The following RBFOX1 variants were observed in gnomAD, a reference collection of about 807,000 sequenced individuals.
RBFOX1 encodes the protein RNA binding protein fox-1 homolog 1.
In RBFOX1, 8 loss-of-function variants were observed where a neutral mutation model predicts 57.7. The ratio of observed to expected loss-of-function variants is 0.14; its 90% CI spans 0.08 to 0.25. The LOEUF (loss-of-function observed/expected upper bound fraction) is 0.25. Ranked by LOEUF, RBFOX1 falls within the 10% of genes least tolerant of loss-of-function variation. The pLI is 1.00. For synonymous variants in RBFOX1, 326 were observed against 222.4 expected (o/e 1.47, Z -4.15); for missense variants, 611 against 548.5 (o/e 1.11, Z -1.14).
rs116229391 is a variant in RBFOX1 at position 5,355,574 on chromosome 16, G to C, written c.220-111642G>C. Among the ~76,000 whole-genome samples, 433 of 152,214 alleles carry C rather than the reference G, an allele frequency of 2.8e-3. 4 individuals are homozygous for C. Among genetic ancestry groups the C allele is most frequent in the African/African-American group, 9.0e-3 (372 of 41,486 alleles). The stretch of plus-strand genomic sequence containing the variant: ...GTTAATGAGATTTTATTTATAGACA[G>C]AGACTTCTTCCTTGATGTAATTAGG... On this transcript the variant is annotated intron_variant, in intron 1 of 2. Coordinates refer to the RBFOX1 transcript ENST00000585867.
At chr16:7,587,194 A>G in intron 6 of RBFOX1, 53 bp from the exon 7 acceptor site, 1 of 1,454,442 alleles carries the variant, frequency 6.9e-7, no homozygotes, top group Non-Finnish European at 9.1e-7. Flanking sequence ...TGTACATAGT[A>G]ATGTCTACTG....
chr16:7,295,761 G>A (rs1387449156), intron 4 of RBFOX1, among the ~76,000 whole-genome samples: 2 of 152,014 alleles, frequency 1.3e-5, no homozygotes, highest in Admixed American at 1.3e-4. Context: ...ATACCCCATC[G>A]CAACTCCATA....
intron 3 of RBFOX1, among the ~76,000 whole-genome samples, chr16:6,888,631 C>G (rs1239012922): frequency 1.3e-5 from 2 of 152,168 alleles, no homozygotes; most frequent in South Asian, 4.2e-4. Context: ...TCAGGCTGTT[C>G]CTTGCAGGTC....
intron 3 of RBFOX1, among the ~76,000 whole-genome samples, chr16:6,678,598 C>G (rs775699836): frequency 3.3e-5 from 5 of 150,766 alleles, no homozygotes; most frequent in Non-Finnish European, 7.4e-5. Context: ...TCTATTTTGA[C>G]AGCGGATTGC....
At chr16:7,570,219 T>G (rs1303384771) in intron 5 of RBFOX1, among the ~76,000 whole-genome samples, 1 of 152,020 alleles carries the variant, frequency 6.6e-6, no homozygotes, top group Non-Finnish European at 1.5e-5. Flanking sequence ...CGTATATCAC[T>G]TACATTTTAT....
At chr16:5,898,134 G>C (rs1048690754) in intron 4 of RBFOX1, among the ~76,000 whole-genome samples, 2 of 152,282 alleles carry the variant, frequency 1.3e-5, no homozygotes, top group South Asian at 4.1e-4. Context: ...GGAAGGAGAA[G>C]TGTCAAGCAA....
chr16:7,349,214 A>C (rs965579536), intron 4 of RBFOX1, among the ~76,000 whole-genome samples: 1 of 152,180 alleles, frequency 6.6e-6, no homozygotes, highest in Admixed American at 6.5e-5. Flanking sequence ...GCGGCTCAAG[A>C]GATCAAGATA....
At chr16:6,011,972 C>A (rs1187686661) in intron 4 of RBFOX1, among the ~76,000 whole-genome samples, 1 of 152,214 alleles carries the variant, frequency 6.6e-6, no homozygotes, top group Non-Finnish European at 1.5e-5. Context: ...CACCATCTTG[C>A]ATTTCTTCAC....
intron 2 of RBFOX1, among the ~76,000 whole-genome samples, chr16:6,362,488 A>G (rs1294891824): frequency 6.6e-6 from 1 of 152,222 alleles, no homozygotes; most frequent in African/African-American, 2.4e-5. Context: ...ACCTGCTCGT[A>G]TGTCATCTGT....
At chr16:6,402,533 C>T (rs1033646764) in intron 2 of RBFOX1, among the ~76,000 whole-genome samples, 9 of 152,058 alleles carry the variant, frequency 5.9e-5, no homozygotes, top group Non-Finnish European at 1.0e-4. Context: ...AAATGGTACC[C>T]AAATGAAAGC....
At chr16:6,515,648 AAAT>A in intron 2 of RBFOX1, among the ~76,000 whole-genome samples, 1 of 152,164 alleles carries the variant, frequency 6.6e-6, no homozygotes, top group Non-Finnish European at 1.5e-5. Context: ...TCTTAAGTCT[AAAT>A]AATCTCTTTA....
At chr16:6,845,721 C>G (rs534766301) in intron 3 of RBFOX1, among the ~76,000 whole-genome samples, 1 of 152,156 alleles carries the variant, frequency 6.6e-6, no homozygotes, top group Non-Finnish European at 1.5e-5. Context: ...CTGACACAGA[C>G]CCATGTACCT....
intron 1 of RBFOX1, among the ~76,000 whole-genome samples, chr16:6,108,909 T>C (rs2096412891): frequency 6.6e-6 from 1 of 152,206 alleles, no homozygotes; most frequent in Admixed American, 6.5e-5. Flanking sequence ...CCCACCTAGA[T>C]AATCCAGAAT....
chr16:7,571,346 G>C (rs2092752918), intron 5 of RBFOX1, among the ~76,000 whole-genome samples: 1 of 152,066 alleles, frequency 6.6e-6, no homozygotes. Flanking sequence ...GAATCCAAAA[G>C]GCATGTATCT....
chr16:5,412,518 A>G (rs928511031), intron 1 of RBFOX1, among the ~76,000 whole-genome samples: 2 of 152,188 alleles, frequency 1.3e-5, no homozygotes, highest in African/African-American at 4.8e-5. Context: ...TGTTCCACAA[A>G]GCACACAGGT....
At chr16:6,819,922 G>A (rs879638757) in intron 3 of RBFOX1, among the ~76,000 whole-genome samples, 4 of 152,052 alleles carry the variant, frequency 2.6e-5, no homozygotes, top group African/African-American at 9.7e-5. Flanking sequence ...CAGGGAGACT[G>A]TTCCTGCAGA....
intron 3 of RBFOX1, among the ~76,000 whole-genome samples, chr16:5,815,761 C>T (rs1020851632): frequency 2.0e-5 from 3 of 152,190 alleles, no homozygotes; most frequent in Non-Finnish European, 4.4e-5. Flanking sequence ...CCCCACGCTT[C>T]CGAACACATT....
chr16:6,749,613 C>G (rs377169990), intron 3 of RBFOX1, among the ~76,000 whole-genome samples: 1 of 152,074 alleles, frequency 6.6e-6, no homozygotes, highest in Admixed American at 6.6e-5. Flanking sequence ...GTTTATTGAC[C>G]TCATATACAT....
intron 3 of RBFOX1, among the ~76,000 whole-genome samples, chr16:7,050,299 C>G (rs745872130): frequency 7.9e-6 from 1 of 126,836 alleles, no homozygotes; most frequent in Non-Finnish European, 1.7e-5. Context: ...GAGTTTCACT[C>G]TTGTTGCCCA....
Sources: gnomAD v4.1 joint callset for allele counts (sites outside exome capture counted in the v4.1 genomes callset) on GRCh38, gnomAD v4.1.1 for gene constraint, MANE v1.5 for transcripts, NCBI Gene and HGNC (gene_info 2026-07-23, HGNC 2026-07-21) for gene names.